The following OCA2 variants were observed in gnomAD, a reference collection of about 807,000 sequenced individuals.
OCA2 encodes the protein P protein.
Under a neutral mutation model 100.2 loss-of-function variants are expected in OCA2, and 77 were observed. That is an observed-to-expected ratio of 0.77 (90% CI 0.64 to 0.93). OCA2 has a LOEUF of 0.93. OCA2 is among the 40% of genes least tolerant of loss of function. The pLI is 0.00. For synonymous variants in OCA2, 432 were observed against 439.2 expected, an observed-to-expected ratio of 0.98 and a Z score of 0.21; for missense variants, 1,062 against 1,089.1, an observed-to-expected ratio of 0.98 and a Z score of 0.35.
chr15:27,942,914 T>A (rs1057119625), intron 18 of OCA2, among the ~76,000 whole-genome samples: 5 of 152,214 alleles, frequency 3.3e-5, no homozygotes, highest in Non-Finnish European at 7.3e-5. Flanking sequence ...TACATTCATC[T>A]AAGATGAATA....
intron 19 of OCA2, among the ~76,000 whole-genome samples, chr15:27,880,267 G>C (rs994745710): frequency 6.6e-6 from 1 of 152,212 alleles, no homozygotes; most frequent in Non-Finnish European, 1.5e-5. Context: ...TGGTGGTATA[G>C]TTTGAAATTG....
chr15:27,770,878 CTTTG>C (rs1566949221), intron 23 of OCA2, among the ~76,000 whole-genome samples: 25 of 82,174 alleles, frequency 3.0e-4, no homozygotes, highest in African/African-American at 8.2e-4. Flanking sequence ...TCCCTCCTTC[CTTTG>C]CTCCTTCCCA....
chr15:27,817,529 G>A (rs1159747466), intron 23 of OCA2, among the ~76,000 whole-genome samples: 1 of 152,180 alleles, frequency 6.6e-6, no homozygotes, highest in African/African-American at 2.4e-5. Flanking sequence ...CACTCACCAG[G>A]AAATGAAGTT....
chr15:27,760,328 C>T (rs572566568), intron 23 of OCA2, among the ~76,000 whole-genome samples: 6 of 151,390 alleles, frequency 4.0e-5, no homozygotes, highest in Non-Finnish European at 5.9e-5. Flanking sequence ...GAGAAGGAAA[C>T]GTATAGCACT....
chr15:28,093,188 G>A (rs1356827240), intron 1 of OCA2, among the ~76,000 whole-genome samples: 1 of 152,086 alleles, frequency 6.6e-6, no homozygotes, highest in African/African-American at 2.4e-5. Flanking sequence ...CCTGGAAGCC[G>A]AGGCAGGCAG....
chr15:28,025,438 C>T (rs1201173126), intron 4 of OCA2, among the ~76,000 whole-genome samples: 1 of 152,174 alleles, frequency 6.6e-6, no homozygotes, highest in East Asian at 1.9e-4. Flanking sequence ...CAGCCCCTAC[C>T]AAGGACTTCC....
chr15:27,859,613 A>C (rs906590948), intron 21 of OCA2, among the ~76,000 whole-genome samples: 1 of 152,162 alleles, frequency 6.6e-6, no homozygotes, highest in African/African-American at 2.4e-5. Context: ...ATTAATACCA[A>C]CGTTCCAAAA....
At chr15:27,883,260 G>C (rs942107598) in intron 19 of OCA2, among the ~76,000 whole-genome samples, 2 of 152,112 alleles carry the variant, frequency 1.3e-5, no homozygotes, top group African/African-American at 4.8e-5. Flanking sequence ...AAACCACCCC[G>C]AGAGGGTCCC....
chr15:28,034,693 CT>C (rs1566824521), intron 2 of OCA2, among the ~76,000 whole-genome samples: 1 of 152,118 alleles, frequency 6.6e-6, no homozygotes, highest in African/African-American at 2.4e-5. Flanking sequence ...GGATTGATTG[CT>C]TGAGCCTGAG....
intron 11 of OCA2, 38 bp downstream of exon 11, chr15:27,989,563 G>A (rs751751327): frequency 4.4e-6 from 7 of 1,574,038 alleles, no homozygotes; most frequent in African/African-American, 2.7e-5. Context: ...GGTTACCGCA[G>A]GCGTGGAGCC....
the OCA2 span, among the ~76,000 whole-genome samples, chr15:27,736,510 G>A: frequency 6.6e-6 from 1 of 152,152 alleles, no homozygotes; most frequent in Non-Finnish European, 1.5e-5. Context: ...GTAGTCTCTT[G>A]GGGCTAGAAA....
intron 23 of OCA2, among the ~76,000 whole-genome samples, chr15:27,792,473 C>T (rs989370626): frequency 2.6e-5 from 4 of 152,142 alleles, no homozygotes; most frequent in Admixed American, 2.6e-4. Flanking sequence ...GCTTGGCTTT[C>T]GGGCAAAGCT....
chr15:28,061,726 T>C (rs1337345507), intron 2 of OCA2, among the ~76,000 whole-genome samples: 1 of 152,244 alleles, frequency 6.6e-6, no homozygotes, highest in African/African-American at 2.4e-5. Flanking sequence ...AATAATGTTC[T>C]GTTGTTTATA....
At chr15:27,896,100 G>A (rs1054577855) in intron 19 of OCA2, 1 of 1,166,346 alleles carries the variant, frequency 8.6e-7, no homozygotes. Context: ...AAGCATTGAT[G>A]GTCAGCCAAG....
intron 1 of OCA2, among the ~76,000 whole-genome samples, chr15:28,096,587 T>G (rs2044988440): frequency 6.6e-6 from 1 of 151,898 alleles, no homozygotes. Context: ...CAGTGTAGGG[T>G]GCGGTGCCCC....
intron 23 of OCA2, among the ~76,000 whole-genome samples, chr15:27,765,689 GAAATA>G (rs2031202515): frequency 6.6e-6 from 1 of 152,178 alleles, no homozygotes; most frequent in South Asian, 2.1e-4. Flanking sequence ...ACCAGTTATA[GAAATA>G]AAATAAAACT....
At position 28,092,277 on chromosome 15, in the gene OCA2, A is replaced by T. The variant is rs2044883089; in HGVS notation, c.-22+6947T>A. Among the ~76,000 whole-genome samples, 3 of 152,344 alleles carry T rather than the reference A, an allele frequency of 2.0e-5. No homozygotes were observed. In the South Asian group the frequency reaches 6.2e-4, roughly 32 times the overall value. On this transcript the variant is annotated intron_variant, in intron 1 of 23. Coordinates refer to ENST00000354638, the MANE Select transcript of OCA2 (RefSeq NM_000275.3). The stretch of plus-strand genomic sequence containing the variant: ...CAAATGCTAATGAATGTGGAGTTTC[A>T]CTTGGGTTAATAAAAATGCTCTAAA...
At chr15:27,948,614 C>T (rs1387170895) in intron 18 of OCA2, among the ~76,000 whole-genome samples, 1 of 152,088 alleles carries the variant, frequency 6.6e-6, no homozygotes, top group Non-Finnish European at 1.5e-5. Context: ...TACAGGCGTG[C>T]ACCACCACAC....
At chr15:28,077,465 C>T (rs572916867) in intron 2 of OCA2, among the ~76,000 whole-genome samples, 23 of 152,228 alleles carry the variant, frequency 1.5e-4, no homozygotes, top group Non-Finnish European at 2.5e-4. Flanking sequence ...ATGGACAAGA[C>T]GTATTCCTCT....
Sources: gnomAD v4.1 joint callset for allele counts (sites outside exome capture counted in the v4.1 genomes callset) on GRCh38, gnomAD v4.1.1 for gene constraint, MANE v1.5 for transcripts, NCBI Gene and HGNC (gene_info 2026-07-23, HGNC 2026-07-21) for gene names.